Variants in NLGN1 observed in about 807,000 individuals in gnomAD.
The protein encoded by NLGN1 is neuroligin 1.
A neutral mutation model predicts 65.5 loss-of-function variants in NLGN1; 12 were observed. That is an observed-to-expected ratio of 0.18 (90% confidence interval 0.12 to 0.30). The LOEUF (loss-of-function observed/expected upper bound fraction) is 0.30. NLGN1 is among the 10% of genes least tolerant of loss of function. The probability of loss-of-function intolerance (pLI) is 1.00; values close to 1 mark genes in which losing one functional copy is unlikely to be tolerated. For synonymous variants in NLGN1, 350 were observed against 359.5 expected, an observed-to-expected ratio of 0.97 and a Z score of 0.30; for missense variants, 750 against 1,007.1, an observed-to-expected ratio of 0.74 and a Z score of 3.46.
intron 3 of NLGN1, among the ~76,000 whole-genome samples, chr3:173,658,199 G>T (rs929802061): frequency 2.6e-5 from 4 of 151,928 alleles, no homozygotes; most frequent in African/African-American, 9.7e-5. Flanking sequence ...CAATCAAAGA[G>T]ATATCGGGTC....
At chr3:173,698,313 C>T (rs767362861) in intron 3 of NLGN1, among the ~76,000 whole-genome samples, 5 of 152,242 alleles carry the variant, frequency 3.3e-5, no homozygotes, top group South Asian at 2.1e-4. Context: ...ATTATCAAAT[C>T]GAAGATTTTT....
intron 2 of NLGN1, among the ~76,000 whole-genome samples, chr3:173,446,968 T>G (rs1034009840): frequency 5.9e-5 from 9 of 152,230 alleles, no homozygotes; most frequent in Admixed American, 3.3e-4. Context: ...ATATTAGCCC[T>G]TTGTCAGATG....
intron 4 of NLGN1, among the ~76,000 whole-genome samples, chr3:174,251,421 A>C (rs1744748407): frequency 6.6e-6 from 1 of 152,130 alleles, no homozygotes; most frequent in Admixed American, 6.6e-5. Flanking sequence ...TTAGAAAAAC[A>C]TACCTCCTGG....
chr3:174,216,782 T>G (rs1198916626), intron 4 of NLGN1, among the ~76,000 whole-genome samples: 1 of 152,082 alleles, frequency 6.6e-6, no homozygotes, highest in Non-Finnish European at 1.5e-5. Context: ...CATGTGAAAT[T>G]GATGACTGCC....
At chr3:174,044,150 A>T (rs1031012860) in intron 4 of NLGN1, among the ~76,000 whole-genome samples, 1 of 152,050 alleles carries the variant, frequency 6.6e-6, no homozygotes, top group Non-Finnish European at 1.5e-5. Context: ...GACTACACAC[A>T]CCTGGGGAGC....
chr3:174,269,842 T>C (rs147073027), intron 4 of NLGN1, among the ~76,000 whole-genome samples: 1 of 151,804 alleles, frequency 6.6e-6, no homozygotes, highest in Non-Finnish European at 1.5e-5. Context: ...CTTTCCTATT[T>C]TGTGATTGAT....
chr3:173,802,922 C>T (rs1715762972), intron 3 of NLGN1, among the ~76,000 whole-genome samples: 1 of 151,784 alleles, frequency 6.6e-6, no homozygotes, highest in South Asian at 2.1e-4. Flanking sequence ...TCACTGCAAC[C>T]TCCGCCCTCG....
chr3:174,279,871 T>C lies in NLGN1; in HGVS notation c.1649+221T>C, dbSNP rs1751258082. Among the ~76,000 whole-genome samples the C allele has an allele frequency of 6.6e-6, 1 of 151,966 alleles. No homozygotes were observed. The highest frequency in any genetic ancestry group is 6.6e-5 in the Admixed American group (1 of 15,220). On this transcript the variant is annotated intron_variant, in intron 6 of 6. Transcript: ENST00000457714. This position sits in a 1 kb window ranked among gnomAD's most constrained non-coding sequence, Gnocchi z 4.7. ...TTGTTAAGAAAGCACATATCTCAAT[T>C]GCATTACTTAATTACATCTGCTTTT...
At chr3:173,755,786 TATCAA>T (rs1435116962) in intron 3 of NLGN1, among the ~76,000 whole-genome samples, 2 of 152,136 alleles carry the variant, frequency 1.3e-5, no homozygotes, top group East Asian at 3.9e-4. Flanking sequence ...AGAACCCTGA[TATCAA>T]AGGCATAGTC....
At chr3:173,614,510 G>A (rs781728344) in intron 3 of NLGN1, among the ~76,000 whole-genome samples, 11 of 152,076 alleles carry the variant, frequency 7.2e-5, no homozygotes, top group Admixed American at 1.3e-4. Flanking sequence ...CTTTCTCAGC[G>A]CACCATCTTT....
chr3:173,428,888 T>C (rs1488158227), intron 1 of NLGN1, among the ~76,000 whole-genome samples: 1 of 152,126 alleles, frequency 6.6e-6, no homozygotes, highest in Admixed American at 6.6e-5. Flanking sequence ...TTAGAGCTCC[T>C]TTATATGTTG....
At chr3:174,135,079 A>G (rs368937698) in intron 4 of NLGN1, among the ~76,000 whole-genome samples, 3 of 152,318 alleles carry the variant, frequency 2.0e-5, no homozygotes, top group East Asian at 3.9e-4. Flanking sequence ...TATAATACCT[A>G]TCATTCTGAT....
intron 2 of NLGN1, among the ~76,000 whole-genome samples, chr3:173,528,560 C>T (rs770810301): frequency 1.2e-4 from 19 of 152,142 alleles, no homozygotes; most frequent in Non-Finnish European, 2.8e-4. Flanking sequence ...TTCTTCTTCT[C>T]TCTCAGGAGT....
chr3:173,403,948 A>G (rs1004029270), intron 1 of NLGN1, among the ~76,000 whole-genome samples: 3 of 152,096 alleles, frequency 2.0e-5, no homozygotes, highest in South Asian at 4.1e-4. Context: ...AAACTGCTGA[A>G]TTTGTGGCAT....
At chr3:173,593,348 A>G (rs1381554056) in intron 2 of NLGN1, among the ~76,000 whole-genome samples, 1 of 152,124 alleles carries the variant, frequency 6.6e-6, no homozygotes, top group Non-Finnish European at 1.5e-5. Flanking sequence ...CCCAATAGTT[A>G]CTTTTTTGTC....
intron 3 of NLGN1, among the ~76,000 whole-genome samples, chr3:173,776,891 C>T (rs1374716917): frequency 3.3e-5 from 5 of 151,802 alleles, no homozygotes; most frequent in Admixed American, 6.6e-5. Context: ...GTCAACTGAA[C>T]ACACATATCA....
intron 3 of NLGN1, among the ~76,000 whole-genome samples, chr3:173,801,549 A>G (rs1715462181): frequency 6.6e-6 from 1 of 152,106 alleles, no homozygotes; most frequent in African/African-American, 2.4e-5. Context: ...GCATTGACAT[A>G]TATACATTTA....
At position 173,746,291 on chromosome 3, in the gene NLGN1, TA is replaced by T. The variant is rs561829651; in HGVS notation, c.494-61382del. 1.6e-4 allele frequency among the ~76,000 whole-genome samples: 24 copies of T among 152,182 alleles called. No homozygotes were observed. The South Asian group carries it at 5.0e-3, about 32-fold the overall frequency. ...CAAAAACAAACAAGCAAAAAAAAGT[TA>T]AAAAAATTTATCTCATTTTATGGGT... is the stretch of plus-strand genomic sequence containing the variant. On this transcript the variant is annotated intron_variant, in intron 3 of 6. Transcript: ENST00000457714.
chr3:173,992,639 G>T (rs957173399), intron 4 of NLGN1, among the ~76,000 whole-genome samples: 1 of 152,158 alleles, frequency 6.6e-6, no homozygotes, highest in Non-Finnish European at 1.5e-5. Flanking sequence ...AATAGATGTT[G>T]TGGTGACTTT....
Sources: allele counts gnomAD v4.1 joint callset (sites outside exome capture counted in the v4.1 genomes callset), GRCh38; gene constraint gnomAD v4.1.1; non-coding constraint Gnocchi (gnomAD v3.1); transcripts MANE v1.5; gene names NCBI Gene and HGNC (gene_info 2026-07-23, HGNC 2026-07-21).